MGAT4C: variants seen among roughly 807,000 people sequenced by gnomAD.
The protein encoded by MGAT4C is MGAT4 family member C.
Under a neutral mutation model 40.1 loss-of-function variants are expected in MGAT4C, and 19 were observed. That is an observed-to-expected ratio of 0.47 (90% CI 0.33 to 0.70). MGAT4C has a LOEUF of 0.70. MGAT4C is among the 30% of genes least tolerant of loss of function. The probability of loss-of-function intolerance (pLI) is 0.02; values close to 1 mark genes in which losing one functional copy is unlikely to be tolerated. For synonymous variants in MGAT4C, 181 were observed against 187.1 expected, an observed-to-expected ratio of 0.97 and a Z score of 0.27; for missense variants, 491 against 563.2, an observed-to-expected ratio of 0.87 and a Z score of 1.30.
intron 2 of MGAT4C, among the ~76,000 whole-genome samples, chr12:86,667,498 G>C (rs1565913890): frequency 6.6e-6 from 1 of 152,252 alleles, no homozygotes; most frequent in South Asian, 2.1e-4. Context: ...CTTAAGCAAA[G>C]GAAAGATTTC....
intron 2 of MGAT4C, among the ~76,000 whole-genome samples, chr12:86,040,688 G>A (rs1891725827): frequency 6.6e-6 from 1 of 152,032 alleles, no homozygotes; most frequent in Non-Finnish European, 1.5e-5. Flanking sequence ...TGTCTCACTA[G>A]CATTCTGGGC....
chr12:86,069,028 G>A (rs572489581), intron 1 of MGAT4C, among the ~76,000 whole-genome samples: 1 of 152,150 alleles, frequency 6.6e-6, no homozygotes, highest in Admixed American at 6.6e-5. Flanking sequence ...AAATTGGACT[G>A]GTTTGTCCTC....
At chr12:86,449,118 G>T (rs1437517653) in intron 2 of MGAT4C, among the ~76,000 whole-genome samples, 1 of 152,046 alleles carries the variant, frequency 6.6e-6, no homozygotes, top group East Asian at 1.9e-4. Context: ...ATCATTGGGG[G>T]CTACAAAACG....
intron 1 of MGAT4C, among the ~76,000 whole-genome samples, chr12:86,196,636 G>T (rs914072532): frequency 1.3e-5 from 2 of 152,196 alleles, no homozygotes; most frequent in African/African-American, 4.8e-5. Flanking sequence ...AGTCCCAGAA[G>T]TCTGACAGCC....
intron 2 of MGAT4C, among the ~76,000 whole-genome samples, chr12:86,675,602 C>G (rs1489701406): frequency 6.6e-6 from 1 of 152,216 alleles, no homozygotes; most frequent in Non-Finnish European, 1.5e-5. Context: ...AAGCACTGTG[C>G]TCACACACCA....
intron 4 of MGAT4C, among the ~76,000 whole-genome samples, chr12:86,287,540 T>C (rs1953384331): frequency 6.6e-6 from 1 of 152,122 alleles, no homozygotes; most frequent in Non-Finnish European, 1.5e-5. Flanking sequence ...CAGTGTGTGA[T>C]GTTTCCCTCC....
intron 3 of MGAT4C, among the ~76,000 whole-genome samples, chr12:86,377,470 T>C (rs1201567892): frequency 6.6e-6 from 1 of 152,186 alleles, no homozygotes; most frequent in Admixed American, 6.5e-5. Flanking sequence ...CCAACATATT[T>C]GTCAGGGCAT....
At chr12:86,076,440 C>T (rs1468024819) in intron 1 of MGAT4C, among the ~76,000 whole-genome samples, 1 of 152,210 alleles carries the variant, frequency 6.6e-6, no homozygotes, top group African/African-American at 2.4e-5. Context: ...TCCAAAGTCG[C>T]TTCCACAGTT....
intron 2 of MGAT4C, among the ~76,000 whole-genome samples, chr12:85,994,757 C>T (rs2136745063): frequency 6.6e-6 from 1 of 152,156 alleles, no homozygotes; most frequent in Non-Finnish European, 1.5e-5. Flanking sequence ...GGGATTAGTC[C>T]ATATTTTTAT....
At chr12:86,469,456 C>G (rs1358549469) in intron 2 of MGAT4C, among the ~76,000 whole-genome samples, 2 of 152,116 alleles carry the variant, frequency 1.3e-5, no homozygotes, top group Admixed American at 6.5e-5. Flanking sequence ...TCATGTTGTA[C>G]TCTCTGGATA....
intron 1 of MGAT4C, among the ~76,000 whole-genome samples, chr12:86,806,155 A>T (rs1262583466): frequency 6.6e-6 from 1 of 151,840 alleles, no homozygotes; most frequent in Non-Finnish European, 1.5e-5. Flanking sequence ...CAATGTATAG[A>T]ATATATATAT....
chr12:86,393,696 G>C (rs1458423127), intron 3 of MGAT4C, among the ~76,000 whole-genome samples: 1 of 152,176 alleles, frequency 6.6e-6, no homozygotes, highest in Non-Finnish European at 1.5e-5. Flanking sequence ...GCCTTGGAGG[G>C]TATAGTAATC....
intron 2 of MGAT4C, among the ~76,000 whole-genome samples, chr12:86,464,134 A>T (rs1274153560): frequency 6.6e-6 from 1 of 152,058 alleles, no homozygotes; most frequent in Non-Finnish European, 1.5e-5. Flanking sequence ...CTTCGTGAGG[A>T]GTAGCTTTAC....
intron 2 of MGAT4C, among the ~76,000 whole-genome samples, chr12:86,640,966 GAC>G (rs1241343777): frequency 6.6e-6 from 1 of 151,962 alleles, no homozygotes; most frequent in Non-Finnish European, 1.5e-5. Flanking sequence ...TGATCTGAGA[GAC>G]AGTTTGTTAT....
At chr12:86,280,418 T>G (rs896910959) in intron 4 of MGAT4C, among the ~76,000 whole-genome samples, 1 of 152,088 alleles carries the variant, frequency 6.6e-6, no homozygotes, top group South Asian at 2.1e-4. Context: ...AAATTTATAT[T>G]ATTAAAAGGT....
At chr12:86,122,971 A>G (rs1309687887) in intron 1 of MGAT4C, among the ~76,000 whole-genome samples, 1 of 152,148 alleles carries the variant, frequency 6.6e-6, no homozygotes. Flanking sequence ...ATATTGGGGA[A>G]AGATGGCCAG....
At chr12:86,566,015 A>G (rs1225834037) in intron 2 of MGAT4C, among the ~76,000 whole-genome samples, 4 of 152,112 alleles carry the variant, frequency 2.6e-5, no homozygotes, top group Non-Finnish European at 5.9e-5. Flanking sequence ...ATGGCACCCT[A>G]TCTTGGGGTG....
chr12:85,966,793 G>T lies in MGAT4C; in HGVS notation c.*12496C>A, dbSNP rs1883388738. On this transcript the variant is annotated 3_prime_UTR_variant, in exon 5 of 5. Transcript: ENST00000611864. ...AAACCATCATTCTCAGCAAACTATT[G>T]CAACGACAAAAAAACCAAACACTGC... The T allele has an allele frequency of 6.6e-6, 1 of 151,510 alleles. No individual in the cohort carries two copies. The highest frequency in any genetic ancestry group is 2.4e-5 in the African/African-American group (1 of 41,204). 9.4% of individuals were successfully genotyped at this position (151,510 alleles called of 1,614,324 possible). A position where few individuals can be genotyped will look rare whatever the true frequency, so the allele number is the denominator to read the frequency against.
chr12:86,619,770 A>G (rs1962579484), intron 2 of MGAT4C, among the ~76,000 whole-genome samples: 1 of 152,128 alleles, frequency 6.6e-6, no homozygotes. Flanking sequence ...AAAATAAAAC[A>G]TCAACATTAT....
Sources: allele counts gnomAD v4.1 joint callset (sites outside exome capture counted in the v4.1 genomes callset), GRCh38; gene constraint gnomAD v4.1.1; transcripts MANE v1.5; gene names NCBI Gene and HGNC (gene_info 2026-07-23, HGNC 2026-07-21).